The following FOXP2 variants were observed in gnomAD, a reference collection of about 807,000 sequenced individuals.
The protein encoded by FOXP2 is forkhead box protein P2.
A neutral mutation model predicts 115.8 loss-of-function variants in FOXP2; 12 were observed. That is an observed-to-expected ratio of 0.10 (90% CI 0.07 to 0.17). FOXP2 has a LOEUF of 0.17. Among genes scored for constraint, FOXP2 ranks in the 10% least tolerant of loss-of-function variants. The pLI is 1.00. For synonymous variants in FOXP2, 328 were observed against 297.7 expected (o/e 1.10, Z -1.05); for missense variants, 629 against 843.5 (o/e 0.75, Z 3.15).
At chr7:114,232,292 G>A (rs1190841135) in intron 1 of FOXP2, among the ~76,000 whole-genome samples, 1 of 152,114 alleles carries the variant, frequency 6.6e-6, no homozygotes, top group Non-Finnish European at 1.5e-5. Context: ...AGCCACTACG[G>A]TAAACAGTAA....
rs1339945518 is a variant in FOXP2, at chr7:114,631,569, G to T, written c.639G>T (p.Gln213His). 2.5e-6 allele frequency: 4 copies of T among 1,598,632 alleles called. No individual in the cohort carries two copies. Among genetic ancestry groups the T allele is most frequent in the Non-Finnish European group, 3.4e-6 (4 of 1,172,160 alleles). ...QQQQQQQLAA[Q>H]QLVFQQQLLQ... ...AGCAGCAACAGCAATTGGCAGCCCA[G>T]CAGCTTGTCTTCCAGCAGCAGCTTC... is the stretch of plus-strand genomic sequence containing the variant. Residue 213 changes from glutamine to histidine, a missense_variant, in exon 6 of 17, where the codon CAG (glutamine) becomes CAT (histidine). Transcript: ENST00000350908.
At chr7:114,633,645 G>GT (rs1805044611) in intron 6 of FOXP2, among the ~76,000 whole-genome samples, 1 of 152,192 alleles carries the variant, frequency 6.6e-6, no homozygotes, top group South Asian at 2.1e-4. Context: ...TCATTGTCTT[G>GT]TTTTTTACGA....
intron 1 of FOXP2, among the ~76,000 whole-genome samples, chr7:114,097,753 T>G (rs1263134865): frequency 6.6e-6 from 1 of 152,234 alleles, no homozygotes; most frequent in Non-Finnish European, 1.5e-5. Flanking sequence ...TCATTTGCAC[T>G]CCTTGTCATC....
intron 2 of FOXP2, among the ~76,000 whole-genome samples, chr7:114,530,207 A>T (rs762472549): frequency 4.0e-5 from 6 of 151,836 alleles, no homozygotes; most frequent in Non-Finnish European, 7.4e-5. Context: ...ACTATCTGAA[A>T]CCAATTACAG....
In FOXP2 at chr7:114,479,651, G is replaced by A. The variant is rs544132985; in HGVS notation, c.168+52972G>A. 8.8e-4 allele frequency among the ~76,000 whole-genome samples: 133 copies of A among 151,436 alleles called. 1 individual carries two copies. Among genetic ancestry groups the A allele is most frequent in the Middle Eastern group, 3.4e-3 (1 of 290 alleles). The stretch of plus-strand genomic sequence containing the variant: ...TTCTAAAGAGAAACTCTTTGAAAGT[G>A]TGTGTGTTTTAAAAATTTAATTTGT... On this transcript the variant is annotated intron_variant, in intron 2 of 16. Coordinates refer to ENST00000350908, the MANE Select transcript of FOXP2 (RefSeq NM_014491.4).
At position 114,693,118 on chromosome 7, in the gene FOXP2, T is replaced by C. The variant is rs1223331612; in HGVS notation, c.*3192T>C. The C allele has an allele frequency of 2.2e-6, 1 of 453,818 alleles. No individual in the cohort carries two copies. Among genetic ancestry groups the C allele is most frequent in the African/African-American group, 2.0e-5 (1 of 50,000 alleles). The allele number at this position is 453,818 out of a possible 1,614,324, so 28.1% of individuals were successfully genotyped here. ...GCTTAAGGCTTATATTCTATGTGGT[T>C]GGATTCGTGGCACAGTTGTACTATT... is the stretch of plus-strand genomic sequence containing the variant. On this transcript the variant is annotated 3_prime_UTR_variant, in exon 17 of 17. Transcript: ENST00000350908.
At chr7:114,641,450 A>T (rs570177197) in intron 6 of FOXP2, among the ~76,000 whole-genome samples, 1 of 152,192 alleles carries the variant, frequency 6.6e-6, no homozygotes, top group African/African-American at 2.4e-5. Context: ...TCATAAATGA[A>T]GGAGAAGTTT....
intron 2 of FOXP2, among the ~76,000 whole-genome samples, chr7:114,407,993 A>G (rs1584700948): frequency 6.6e-6 from 1 of 152,206 alleles, no homozygotes; most frequent in East Asian, 1.9e-4. Flanking sequence ...TATTTTAATT[A>G]TCAAGTGTAA....
chr7:114,686,371 C>T (rs1284113481), intron 16 of FOXP2, among the ~76,000 whole-genome samples: 3 of 152,100 alleles, frequency 2.0e-5, no homozygotes, highest in Non-Finnish European at 4.4e-5. Flanking sequence ...CAGAGTTTCA[C>T]CATGTTGGCC....
chr7:114,481,896 A>T (rs1464845469), intron 2 of FOXP2, among the ~76,000 whole-genome samples: 2 of 151,196 alleles, frequency 1.3e-5, no homozygotes, highest in African/African-American at 4.8e-5. Flanking sequence ...CAGCCCCCTT[A>T]TCTGAGACAT....
intron 1 of FOXP2, among the ~76,000 whole-genome samples, chr7:114,255,633 C>G (rs1005038338): frequency 1.3e-5 from 2 of 152,176 alleles, no homozygotes; most frequent in African/African-American, 4.8e-5. Context: ...TTTGTTAAGA[C>G]CATTGGAAAA....
chr7:114,615,383 T>C lies in FOXP2; in HGVS notation c.259-13157T>C, dbSNP rs148706685. Among the ~76,000 whole-genome samples the C allele has an allele frequency of 3.5e-4, 54 of 152,296 alleles. No homozygotes were observed. The East Asian group carries it at 9.4e-3, about 27-fold the overall frequency. On this transcript the variant is annotated intron_variant, in intron 3 of 16. Coordinates refer to ENST00000350908, the MANE Select transcript of FOXP2 (RefSeq NM_014491.4). ...CCTCATAAATCTACAATATGACTTC[T>C]GACCCAACCCTCCCTTAAGGTGATT...
chr7:114,587,375 T>C (rs1802194268), intron 3 of FOXP2, among the ~76,000 whole-genome samples: 1 of 152,136 alleles, frequency 6.6e-6, no homozygotes, highest in African/African-American at 2.4e-5. Flanking sequence ...TTTCTGTTCC[T>C]ATGTTAGTTT....
chr7:114,490,392 GTGAT>G (rs1210343616), intron 2 of FOXP2, among the ~76,000 whole-genome samples: 1 of 152,158 alleles, frequency 6.6e-6, no homozygotes, highest in Non-Finnish European at 1.5e-5. Context: ...AAAAAGATCA[GTGAT>G]TGTCAGGGGC....
chr7:114,424,413 T>C (rs1046168045), intron 1 of FOXP2, among the ~76,000 whole-genome samples: 2 of 151,544 alleles, frequency 1.3e-5, no homozygotes, highest in Admixed American at 6.6e-5. Context: ...CATACACATA[T>C]ATACACATAT....
At chr7:114,454,349 C>A (rs1360721935) in intron 2 of FOXP2, among the ~76,000 whole-genome samples, 5 of 151,994 alleles carry the variant, frequency 3.3e-5, no homozygotes, top group African/African-American at 9.7e-5. Flanking sequence ...GAATGGCGAT[C>A]ATTAAAAAGT....
At chr7:114,175,946 A>G (rs1348823282) in intron 1 of FOXP2, among the ~76,000 whole-genome samples, 2 of 152,202 alleles carry the variant, frequency 1.3e-5, no homozygotes, top group Non-Finnish European at 2.9e-5. Flanking sequence ...TTTAAGAACT[A>G]TAATGCCACA....
At chr7:114,407,268 AG>A (rs1428235549) in intron 2 of FOXP2, among the ~76,000 whole-genome samples, 1 of 152,114 alleles carries the variant, frequency 6.6e-6, no homozygotes, top group Non-Finnish European at 1.5e-5. Context: ...GATGTCTAAA[AG>A]ATAAATAGTT....
chr7:114,598,471 G>A (rs76741174), intron 3 of FOXP2, among the ~76,000 whole-genome samples: 1 of 152,074 alleles, frequency 6.6e-6, no homozygotes, highest in African/African-American at 2.4e-5. Context: ...AGAGTGGAGG[G>A]AGTTGAAGTT....
Sources: allele counts gnomAD v4.1 joint callset (sites outside exome capture counted in the v4.1 genomes callset), GRCh38; gene constraint gnomAD v4.1.1; transcripts MANE v1.5; gene names NCBI Gene and HGNC (gene_info 2026-07-23, HGNC 2026-07-21).